Variants in NHSL2 observed in about 807,000 individuals in gnomAD.
NHSL2 encodes the protein NHS-like protein 2.
In NHSL2, 27 loss-of-function variants were observed where a neutral mutation model predicts 53.4. That is an observed-to-expected ratio of 0.51 (90% CI 0.37 to 0.70). NHSL2 has a LOEUF of 0.70. Ranked by LOEUF, NHSL2 falls within the 30% of genes least tolerant of loss-of-function variation. The pLI is 0.00. For missense variants in NHSL2, 892 were observed against 980.1 expected (o/e 0.91, Z 1.20); for synonymous variants, 408 against 404.1 (o/e 1.01, Z -0.12).
At chrX:71,929,884 A>G in intron 1 of NHSL2, among the ~76,000 whole-genome samples, 1 of 110,323 alleles carries the variant, frequency 9.1e-6, no homozygotes, top group Non-Finnish European at 1.9e-5. Context: ...CCTCCCGAGT[A>G]GCTAGGACTA....
intron 1 of NHSL2, among the ~76,000 whole-genome samples, chrX:72,025,301 C>T (rs1305367299): frequency 1.8e-5 from 2 of 112,692 alleles, no homozygotes; most frequent in Admixed American, 9.3e-5. Context: ...GTCCCTAAGC[C>T]GTGCCAGACT....
intron 1 of NHSL2, among the ~76,000 whole-genome samples, chrX:71,933,265 T>C (rs2041722341): frequency 8.9e-6 from 1 of 112,021 alleles, no homozygotes; most frequent in Non-Finnish European, 1.9e-5. Context: ...TTCTCTACTG[T>C]TAGAGACAAG....
rs746859221 is a variant in NHSL2, at chrX:71,945,922, G to A, written c.280+34555G>A. ...ACCTTTGGGGAAACAGGCTCAGAGG[G>A]GACTTAGCCAGAGTAACTTACCCAG... On this transcript the variant is annotated intron_variant, in intron 1 of 7. Coordinates refer to ENST00000633930, the MANE Select transcript of NHSL2 (RefSeq NM_001013627.3). 8.9e-5 allele frequency among the ~76,000 whole-genome samples: 10 copies of A among 112,081 alleles called. No homozygotes were observed. In the East Asian group the frequency reaches 2.5e-3, roughly 28 times the overall value.
At chrX:71,933,945 G>T (rs935983161) in intron 1 of NHSL2, among the ~76,000 whole-genome samples, 1 of 111,264 alleles carries the variant, frequency 9.0e-6, no homozygotes, top group Admixed American at 9.5e-5. Context: ...GGTTCCTGGG[G>T]CTTCTTGCTG....
intron 1 of NHSL2, chrX:72,069,587 C>A: frequency 1.5e-6 from 1 of 684,271 alleles, no homozygotes; most frequent in Non-Finnish European, 1.9e-6. Flanking sequence ...GGGAGGAGCA[C>A]AGGCAGAGGA....
chrX:71,952,673 C>T (rs1371331531), intron 1 of NHSL2, among the ~76,000 whole-genome samples: 1 of 110,783 alleles, frequency 9.0e-6, no homozygotes, highest in East Asian at 2.9e-4. Flanking sequence ...CCTCTTAATA[C>T]TATCACATTG....
rs944598116 is a variant in NHSL2 at position 72,147,974 on chromosome X, C to T, written c.*4400C>T. Reference sequence around the variant, plus strand: ...ACCATGGAAAGGCCAAATTCCCTGACGCCTAACTCCAGAATATAGAAAATA... The same window carrying T: ...ACCATGGAAAGGCCAAATTCCCTGATGCCTAACTCCAGAATATAGAAAATA... On this transcript the variant is annotated 3_prime_UTR_variant, in exon 8 of 8. Coordinates refer to ENST00000633930, the MANE Select transcript of NHSL2 (RefSeq NM_001013627.3). 6.3e-5 allele frequency: 7 copies of T among 111,797 alleles called. No homozygotes were observed. The highest frequency in any genetic ancestry group is 4.7e-4 in the Admixed American group (5 of 10,544). The allele number at this position is 111,797 out of a possible 1,213,427, so 9.2% of individuals were successfully genotyped here. A position where few individuals can be genotyped will look rare whatever the true frequency, so the allele number is the denominator to read the frequency against.
chrX:71,991,630 C>A (rs1294687933), intron 1 of NHSL2, among the ~76,000 whole-genome samples: 1 of 112,557 alleles, frequency 8.9e-6, no homozygotes, highest in African/African-American at 3.2e-5. Context: ...CTAGAAAGGA[C>A]CAAGCACAGC....
chrX:72,143,515 C>T lies in NHSL2; in HGVS notation c.3619C>T (p.Arg1207Trp), dbSNP rs982244272. The stretch of plus-strand genomic sequence containing the variant: ...TCTGAAGACCACTAACCCACTGGCT[C>T]GGAGAATTATTGCACAATTTTCAAA... ...ELLKTTNPLA[R>W]RIIAQFSKDY... The change falls in exon 8 of 8, where the codon CGG becomes TGG. Residue 1207 changes from arginine (R) to tryptophan (W), a missense_variant. Transcript: ENST00000633930. The T allele has an allele frequency of 1.1e-5, 13 of 1,166,739 alleles. No homozygotes were observed. The Admixed American group carries it at 1.3e-4, about 12-fold the overall frequency.
At chrX:71,984,975 C>G (rs1260127972) in intron 1 of NHSL2, among the ~76,000 whole-genome samples, 1 of 110,570 alleles carries the variant, frequency 9.0e-6, no homozygotes, top group African/African-American at 3.3e-5. Context: ...AGGCACCTGC[C>G]ACCATGCCCG....
intron 1 of NHSL2, among the ~76,000 whole-genome samples, chrX:71,991,848 C>CTCTCTCTG (rs776360819): frequency 5.4e-4 from 59 of 108,857 alleles, no homozygotes; most frequent in African/African-American, 1.8e-3. Flanking sequence ...CTCTCTCTCT[C>CTCTCTCTG]TCTGTCTTTG....
In NHSL2 at chrX:72,139,130, A is replaced by G. The variant is rs2042387877; in HGVS notation, c.1582A>G (p.Ser528Gly). ...ANEACALPFA[S>G]TSSEGSNSAD... The stretch of plus-strand genomic sequence containing the variant: ...TGAGGCCTGTGCCCTGCCTTTTGCC[A>G]GTACGAGCTCTGAGGGCAGTAACAG... Residue 528 changes from serine to glycine, a missense_variant, in exon 6 of 8, where the codon AGT becomes GGT. Physicochemically the swap from Ser to Gly is moderately conservative, Grantham distance 56. Coordinates refer to ENST00000633930, the MANE Select transcript of NHSL2 (RefSeq NM_001013627.3). 1.7e-6 allele frequency: 2 copies of G among 1,172,128 alleles called. No homozygotes were observed. The highest frequency in any genetic ancestry group is 1.1e-6 in the Non-Finnish European group (1 of 874,921).
chrX:72,078,870 T>C (rs1399171919), intron 1 of NHSL2, among the ~76,000 whole-genome samples: 1 of 112,392 alleles, frequency 8.9e-6, no homozygotes, highest in Non-Finnish European at 1.9e-5. Flanking sequence ...CAGAGACCCA[T>C]GCATGAGCCC....
chrX:71,927,236 T>C (rs999288068), intron 1 of NHSL2, among the ~76,000 whole-genome samples: 1 of 112,274 alleles, frequency 8.9e-6, no homozygotes, highest in African/African-American at 3.2e-5. Context: ...GCAGCACAAA[T>C]GTGCATATGA....
At position 72,064,803 on chromosome X, in the gene NHSL2, C is replaced by T. The variant is rs572010367; in HGVS notation, c.281-67276C>T. 2.7e-5 allele frequency among the ~76,000 whole-genome samples: 3 copies of T among 112,505 alleles called. No individual in the cohort carries two copies. The South Asian group carries it at 1.1e-3, about 41-fold the overall frequency. Reference sequence around the variant, plus strand: ...CAGCCAAATGGTGAGGCCTGGCCCTCCCTCTCTCTTTGATAGAACTGGGTG... The same window carrying T: ...CAGCCAAATGGTGAGGCCTGGCCCTTCCTCTCTCTTTGATAGAACTGGGTG... On this transcript the variant is annotated intron_variant, in intron 1 of 7. Transcript: ENST00000633930.
At chrX:71,921,837 C>T (rs774972015) in intron 1 of NHSL2, among the ~76,000 whole-genome samples, 29 of 112,305 alleles carry the variant, frequency 2.6e-4, no homozygotes, top group Non-Finnish European at 5.1e-4. Context: ...AAATCAACGT[C>T]TAGATCAGAC....
chrX:72,071,870 G>A (rs1419171202), intron 1 of NHSL2, among the ~76,000 whole-genome samples: 1 of 111,953 alleles, frequency 8.9e-6, no homozygotes, highest in Non-Finnish European at 1.9e-5. Context: ...CATTCAAAAA[G>A]TATTCATTTT....
intron 1 of NHSL2, among the ~76,000 whole-genome samples, chrX:71,980,670 T>C (rs190986733): frequency 9.1e-5 from 10 of 110,149 alleles, no homozygotes; most frequent in African/African-American, 3.3e-4. Context: ...TGAAGCCTAC[T>C]TGCAATCCAG....
chrX:71,914,629 T>C (rs2041619568), intron 1 of NHSL2, among the ~76,000 whole-genome samples: 1 of 112,400 alleles, frequency 8.9e-6, no homozygotes, highest in African/African-American at 3.2e-5. Context: ...TTCCTACTTC[T>C]TGATTTTCCA....
Sources: gnomAD v4.1 joint callset for allele counts (sites outside exome capture counted in the v4.1 genomes callset) on GRCh38, gnomAD v4.1.1 for gene constraint, MANE v1.5 for transcripts, NCBI Gene and HGNC (gene_info 2026-07-23, HGNC 2026-07-21) for gene names.